The following DAB1 variants were observed in gnomAD, a reference collection of about 807,000 sequenced individuals.
DAB1 encodes the protein DAB adaptor protein 1.
In DAB1, 15 loss-of-function variants were observed where a neutral mutation model predicts 64.6. That is an observed-to-expected ratio of 0.23 (90% confidence interval 0.16 to 0.36). The LOEUF (loss-of-function observed/expected upper bound fraction) is 0.36, where lower values mean the gene tolerates loss of function less well. Among genes scored for constraint, DAB1 ranks in the 10% least tolerant of loss-of-function variants. DAB1 has a pLI of 1.00. For missense variants in DAB1, 596 were observed against 706.7 expected, an observed-to-expected ratio of 0.84 and a Z score of 1.78; for synonymous variants, 235 against 251.9, an observed-to-expected ratio of 0.93 and a Z score of 0.64.
At chr1:57,336,810 G>A (rs939193568) in intron 1 of DAB1, among the ~76,000 whole-genome samples, 1 of 152,122 alleles carries the variant, frequency 6.6e-6, no homozygotes, top group African/African-American at 2.4e-5. Context: ...TGTGTTGTAA[G>A]TATCCAAATA....
intron 3 of DAB1, among the ~76,000 whole-genome samples, chr1:58,415,145 G>T (rs950407722): frequency 2.6e-5 from 4 of 152,048 alleles, no homozygotes; most frequent in Non-Finnish European, 4.4e-5. Context: ...AGGAAGATCT[G>T]TCCCCCTCTC....
intron 5 of DAB1, among the ~76,000 whole-genome samples, chr1:57,922,845 C>CAAAAAAAAAAAAAAAAAAAAAA (rs367897659): frequency 8.9e-5 from 4 of 45,010 alleles, no homozygotes; most frequent in African/African-American, 4.5e-4. Context: ...GACTCCATCT[C>CAAAAAAAAAAAAAAAAAAAAAA]AAAAAAAAAA....
At chr1:58,482,015 C>T (rs1391673668) in intron 3 of DAB1, among the ~76,000 whole-genome samples, 1 of 152,156 alleles carries the variant, frequency 6.6e-6, no homozygotes, top group East Asian at 1.9e-4. Flanking sequence ...AAAATCATGA[C>T]AATTTTTAAC....
intron 5 of DAB1, among the ~76,000 whole-genome samples, chr1:57,911,372 A>G (rs1557551103): frequency 1.3e-5 from 2 of 152,200 alleles, no homozygotes; most frequent in East Asian, 1.9e-4. Flanking sequence ...CTTTGTTGAC[A>G]GGGAGATCTG....
At chr1:57,679,076 T>C (rs536480667) in intron 6 of DAB1, among the ~76,000 whole-genome samples, 2 of 152,250 alleles carry the variant, frequency 1.3e-5, no homozygotes, top group South Asian at 2.1e-4. Flanking sequence ...TGGCCACCTG[T>C]GAGGCAACTG....
chr1:58,422,789 T>C (rs1644784693), intron 3 of DAB1, among the ~76,000 whole-genome samples: 1 of 150,564 alleles, frequency 6.6e-6, no homozygotes, highest in Non-Finnish European at 1.5e-5. Context: ...TGGTGGACAG[T>C]GGAGCCTCTG....
intron 5 of DAB1, among the ~76,000 whole-genome samples, chr1:58,071,117 T>C (rs181388298): frequency 1.3e-5 from 2 of 152,164 alleles, no homozygotes; most frequent in East Asian, 3.9e-4. Flanking sequence ...AGATGGGCCT[T>C]TTCAGAGGCT....
chr1:57,794,069 C>A (rs1380107788), intron 6 of DAB1, among the ~76,000 whole-genome samples: 2 of 152,300 alleles, frequency 1.3e-5, no homozygotes, highest in East Asian at 3.9e-4. Flanking sequence ...CTCCTTGAAC[C>A]ATAAATCCTA....
chr1:57,546,092 TGTGTGTGC>T (rs1417227022), intron 7 of DAB1, among the ~76,000 whole-genome samples: 13 of 150,598 alleles, frequency 8.6e-5, no homozygotes, highest in Non-Finnish European at 1.6e-4. Flanking sequence ...TGTGTGTGTG[TGTGTGTGC>T]GCGCACGTGT....
At chr1:58,354,650 A>C (rs1042674956) in intron 3 of DAB1, among the ~76,000 whole-genome samples, 1 of 152,136 alleles carries the variant, frequency 6.6e-6, no homozygotes, top group Non-Finnish European at 1.5e-5. Flanking sequence ...ATAATCTAGG[A>C]GGACACAGAG....
chr1:58,313,856 T>TGTGTGTGTGTGTGAGA (rs369709762), intron 4 of DAB1, among the ~76,000 whole-genome samples: 1 of 112,064 alleles, frequency 8.9e-6, no homozygotes, highest in East Asian at 2.6e-4. Context: ...TGTGTGTGTG[T>TGTGTGTGTGTGTGAGA]GAGAGAGAGA....
intron 5 of DAB1, among the ~76,000 whole-genome samples, chr1:57,921,056 T>C (rs182342822): frequency 6.6e-6 from 1 of 152,338 alleles, no homozygotes; most frequent in Admixed American, 6.5e-5. Flanking sequence ...ATGATGTTCA[T>C]TGGGAATTAA....
chr1:57,466,141 T>C (rs1247207943), intron 7 of DAB1, among the ~76,000 whole-genome samples: 3 of 152,220 alleles, frequency 2.0e-5, no homozygotes, highest in African/African-American at 4.8e-5. Flanking sequence ...AGAATTTGAC[T>C]GTACAGTCAC....
chr1:58,093,035 C>T (rs114873395), intron 5 of DAB1, among the ~76,000 whole-genome samples: 2,210 of 152,318 alleles, frequency 0.015, 65 homozygotes, highest in African/African-American at 0.051. Context: ...TAGAGTGCCA[C>T]ACAAACTTCC....
At chr1:57,684,454 G>T (rs1265703259) in intron 6 of DAB1, among the ~76,000 whole-genome samples, 1 of 152,086 alleles carries the variant, frequency 6.6e-6, no homozygotes, top group Admixed American at 6.5e-5. Context: ...AAAACCAGAA[G>T]AGATTGGGGA....
intron 2 of DAB1, among the ~76,000 whole-genome samples, chr1:57,199,148 G>T (rs1012896069): frequency 1.3e-5 from 2 of 152,236 alleles, no homozygotes; most frequent in Non-Finnish European, 2.9e-5. Flanking sequence ...TCCACACACT[G>T]AAGGCTCTGG....
intron 4 of DAB1, among the ~76,000 whole-genome samples, chr1:57,079,310 T>A (rs1174318833): frequency 6.6e-6 from 1 of 152,108 alleles, no homozygotes; most frequent in African/African-American, 2.4e-5. Flanking sequence ...TCAGTCTCCC[T>A]CATTCTTATC....
At chr1:57,013,494 C>T (rs1646327529) in intron 12 of DAB1, among the ~76,000 whole-genome samples, 1 of 152,196 alleles carries the variant, frequency 6.6e-6, no homozygotes, top group Non-Finnish European at 1.5e-5. Context: ...AATAGAGATG[C>T]TGCCACTATG....
chr1:58,226,619 T>A (rs918925377), intron 4 of DAB1, among the ~76,000 whole-genome samples: 4 of 152,230 alleles, frequency 2.6e-5, no homozygotes, highest in Admixed American at 2.0e-4. Context: ...AAAAATATCA[T>A]CCACCTCCTC....
Sources: allele counts gnomAD v4.1 joint callset (sites outside exome capture counted in the v4.1 genomes callset), GRCh38; gene constraint gnomAD v4.1.1; transcripts MANE v1.5; gene names NCBI Gene and HGNC (gene_info 2026-07-23, HGNC 2026-07-21).